Variants in CRTC1 observed in about 807,000 individuals in gnomAD.
The protein encoded by CRTC1 is CREB regulated transcription coactivator 1.
A neutral mutation model predicts 66.1 loss-of-function variants in CRTC1; 18 were observed. That is an observed-to-expected ratio of 0.27 (90% CI 0.19 to 0.40). The LOEUF (loss-of-function observed/expected upper bound fraction) is 0.40, where lower values mean the gene tolerates loss of function less well. Ranked by LOEUF, CRTC1 falls within the 10% of genes least tolerant of loss-of-function variation. The pLI, the probability that CRTC1 is intolerant of heterozygous loss-of-function variation, is 1.00. For missense variants in CRTC1, 669 were observed against 887.9 expected (o/e 0.75, Z 3.13); for synonymous variants, 416 against 398.8 (o/e 1.04, Z -0.51).
At chr19:18,726,884 C>T (rs1425224288) in intron 1 of CRTC1, among the ~76,000 whole-genome samples, 1 of 149,666 alleles carries the variant, frequency 6.7e-6, no homozygotes, top group Non-Finnish European at 1.5e-5. Flanking sequence ...CGAGATCGTG[C>T]CACTGCATTC....
chr19:18,769,145 C>T (rs1302907499), intron 10 of CRTC1, among the ~76,000 whole-genome samples: 3 of 152,324 alleles, frequency 2.0e-5, no homozygotes, highest in East Asian at 1.9e-4. Context: ...AGGGCCAGGG[C>T]GCAGGCCGGG....
chr19:18,707,659 C>T (rs528357259), intron 1 of CRTC1, among the ~76,000 whole-genome samples: 3 of 152,194 alleles, frequency 2.0e-5, no homozygotes, highest in African/African-American at 7.2e-5. Flanking sequence ...GTAGGGATTG[C>T]ATTGAATCTA....
chr19:18,752,578 C>CA (rs1183766512), intron 5 of CRTC1, among the ~76,000 whole-genome samples: 1 of 152,120 alleles, frequency 6.6e-6, no homozygotes, highest in Non-Finnish European at 1.5e-5. Flanking sequence ...CTCGGCCTCC[C>CA]AAAGTGCTGT....
At chr19:18,713,730 C>T (rs534579094) in intron 1 of CRTC1, among the ~76,000 whole-genome samples, 1 of 152,210 alleles carries the variant, frequency 6.6e-6, no homozygotes, top group Non-Finnish European at 1.5e-5. Flanking sequence ...ATTCCACTTG[C>T]GCGTGAAGCA....
At chr19:18,754,495 A>G (rs1358789453) in intron 6 of CRTC1, among the ~76,000 whole-genome samples, 2 of 152,244 alleles carry the variant, frequency 1.3e-5, no homozygotes, top group Non-Finnish European at 1.5e-5. Context: ...CCTGGACAAT[A>G]GAGCAAGACC....
At chr19:18,733,671 T>C (rs2053938028) in intron 1 of CRTC1, among the ~76,000 whole-genome samples, 1 of 152,064 alleles carries the variant, frequency 6.6e-6, no homozygotes, top group Non-Finnish European at 1.5e-5. Context: ...CAGCGAGGGG[T>C]CAGCTCAGCT....
At position 18,771,305 on chromosome 19, in the gene CRTC1, G is replaced by C; in HGVS notation, c.1321-137G>C. 1 of 655,158 alleles carries C rather than the reference G, an allele frequency of 1.5e-6. No individual in the cohort carries two copies. The highest frequency in any genetic ancestry group is 3.0e-5 in the Admixed American group (1 of 32,926). 40.6% of individuals were successfully genotyped at this position (655,158 alleles called of 1,614,324 possible). On this transcript the variant is annotated intron_variant, in intron 10 of 13. Coordinates refer to ENST00000321949, the MANE Select transcript of CRTC1 (RefSeq NM_015321.3). This position sits in a 1 kb window ranked among gnomAD's most constrained non-coding sequence, Gnocchi z 4.6. ...TGTCCAGGCTCCTCTGCCTACCAGT[G>C]GGGTGGCGACCATCACCAAGGTGTG...
intron 3 of CRTC1, 100 bp from the exon 4 acceptor site, chr19:18,746,953 C>CGACCCCAGCCAGCCA: frequency 4.4e-6 from 5 of 1,140,542 alleles, no homozygotes; most frequent in Non-Finnish European, 6.6e-6. Context: ...GGCCTCAGGC[C>CGACCCCAGCCAGCCA]GACCCCAGCC....
At position 18,741,229 on chromosome 19, in the gene CRTC1, G is replaced by A. The variant is rs1314677230; in HGVS notation, c.127-1681G>A. 6.6e-6 allele frequency among the ~76,000 whole-genome samples: 1 copy of A among 152,196 alleles called. No homozygotes were observed. The highest frequency in any genetic ancestry group is 1.5e-5 in the Non-Finnish European group (1 of 68,034). On this transcript the variant is annotated intron_variant, in intron 1 of 13. Coordinates refer to ENST00000321949, the MANE Select transcript of CRTC1 (RefSeq NM_015321.3). The surrounding 1 kb of genome is among the most constrained non-coding windows in gnomAD (Gnocchi z 4.2). Reference sequence around the variant, plus strand: ...TGTCCCCGCATCCCAGGTTTCCTGTGGCCCGGGGACATAGTGTAAACAAAG... The same window carrying A: ...TGTCCCCGCATCCCAGGTTTCCTGTAGCCCGGGGACATAGTGTAAACAAAG...
intron 2 of CRTC1, among the ~76,000 whole-genome samples, chr19:18,743,344 G>C (rs1203028218): frequency 6.6e-6 from 1 of 152,250 alleles, no homozygotes; most frequent in Non-Finnish European, 1.5e-5. Context: ...GCTCTGTCCT[G>C]CCTCACTAAT....
chr19:18,739,941 C>T (rs995985910), intron 1 of CRTC1, among the ~76,000 whole-genome samples: 4 of 152,092 alleles, frequency 2.6e-5, no homozygotes, highest in Non-Finnish European at 4.4e-5. Flanking sequence ...TTTATTGCAG[C>T]GAAAGGACAC....
chr19:18,781,417 C>A lies in CRTC1; in HGVS notation c.*4035C>A, dbSNP rs115882097. On this transcript the variant is annotated 3_prime_UTR_variant, in exon 14 of 14. Coordinates refer to ENST00000321949, the MANE Select transcript of CRTC1 (RefSeq NM_015321.3). ...TTTGGGGGTCCCTGGGACATTCTCC[C>A]GTCAGCTCCACCTGAGCCAAGTGTC... The A allele has an allele frequency of 0.043, 9,911 of 230,092 alleles. 898 individuals carry two copies. Among genetic ancestry groups the A allele is most frequent in the African/African-American group, 0.2 (8,989 of 45,170 alleles). 14.3% of individuals were successfully genotyped at this position (230,092 alleles called of 1,614,324 possible). A position where few individuals can be genotyped will look rare whatever the true frequency, so the allele number is the denominator to read the frequency against.
chr19:18,723,805 G>A (rs1391371554), intron 1 of CRTC1, among the ~76,000 whole-genome samples: 3 of 152,220 alleles, frequency 2.0e-5, no homozygotes, highest in African/African-American at 7.2e-5. Flanking sequence ...CTCAGATGGA[G>A]TGAGACAGCC....
chr19:18,743,795 T>A (rs1371214099), intron 2 of CRTC1, among the ~76,000 whole-genome samples: 1 of 152,206 alleles, frequency 6.6e-6, no homozygotes. Context: ...GCCACCACGG[T>A]GCGCCTCCTC....
At chr19:18,733,979 C>T (rs773746776) in intron 1 of CRTC1, among the ~76,000 whole-genome samples, 1 of 152,068 alleles carries the variant, frequency 6.6e-6, no homozygotes, top group South Asian at 2.1e-4. Context: ...CATGGTGGCG[C>T]GTGCCTGTAA....
intron 1 of CRTC1, among the ~76,000 whole-genome samples, chr19:18,716,753 A>G (rs2053517418): frequency 2.0e-5 from 3 of 152,182 alleles, no homozygotes; most frequent in African/African-American, 7.2e-5. Context: ...TGGGCGCTGC[A>G]GGGTTAACTT....
chr19:18,745,517 G>C (rs1157785080), intron 2 of CRTC1, among the ~76,000 whole-genome samples: 1 of 152,188 alleles, frequency 6.6e-6, no homozygotes, highest in Non-Finnish European at 1.5e-5. Context: ...TACATCCCTG[G>C]CACCCGGCGG....
intron 1 of CRTC1, among the ~76,000 whole-genome samples, chr19:18,689,637 C>G (rs147591588): frequency 2.9e-4 from 37 of 127,988 alleles, no homozygotes; most frequent in African/African-American, 1.0e-3. Context: ...AATTCAGTGG[C>G]ATTAAGTTTA....
chr19:18,776,615 G>A lies in CRTC1; in HGVS notation c.1694-556G>A, dbSNP rs578150530. On this transcript the variant is annotated intron_variant, in intron 13 of 13. Transcript: ENST00000321949. ...GGTGGACGCGCCAGCCTCAGACTCA[G>A]GAGAAGAATCAGAATCTGACCCCCG... is the stretch of plus-strand genomic sequence containing the variant. Among the ~76,000 whole-genome samples, 10 of 152,344 alleles carry A rather than the reference G, an allele frequency of 6.6e-5. No individual in the cohort carries two copies. The South Asian group carries it at 1.9e-3, about 28-fold the overall frequency.
Sources: allele counts gnomAD v4.1 joint callset (sites outside exome capture counted in the v4.1 genomes callset), GRCh38; gene constraint gnomAD v4.1.1; non-coding constraint Gnocchi (gnomAD v3.1); transcripts MANE v1.5; gene names NCBI Gene and HGNC (gene_info 2026-07-23, HGNC 2026-07-21).